ERLEC1: variants seen among roughly 807,000 people sequenced by gnomAD.
ERLEC1 encodes ER lectin.
In ERLEC1, 47 loss-of-function variants were observed where a neutral mutation model predicts 68.0. The ratio of observed to expected loss-of-function variants is 0.69; its 90% CI spans 0.55 to 0.88. The LOEUF (loss-of-function observed/expected upper bound fraction) is 0.88. Among genes scored for constraint, ERLEC1 ranks in the 40% least tolerant of loss-of-function variants. The probability of loss-of-function intolerance (pLI) is 0.00; values close to 1 mark genes in which losing one functional copy is unlikely to be tolerated. For synonymous variants in ERLEC1, 225 were observed against 203.2 expected (o/e 1.11, Z -0.91); for missense variants, 567 against 583.8 (o/e 0.97, Z 0.30).
chr2:53,799,839 T>C (rs1254686703), intron 6 of ERLEC1, among the ~76,000 whole-genome samples: 44 of 152,118 alleles, frequency 2.9e-4, no homozygotes, highest in Admixed American at 2.9e-3. Flanking sequence ...GAGACACACA[T>C]AGCATTGCTA....
rs542334528 is a variant in ERLEC1 at position 53,806,871 on chromosome 2, A to G, written c.880-1428A>G. 3.9e-5 allele frequency among the ~76,000 whole-genome samples: 6 copies of G among 152,176 alleles called. No homozygotes were observed. In the South Asian group the frequency reaches 1.2e-3, roughly 32 times the overall value. Reference sequence around the variant, plus strand: ...GTCTACATTCATTTCTTTGCCAGTCAATACCCATTTAACCACCAGATCCTA... The same window carrying G: ...GTCTACATTCATTTCTTTGCCAGTCGATACCCATTTAACCACCAGATCCTA... On this transcript the variant is annotated intron_variant, in intron 8 of 13. Transcript: ENST00000185150.
chr2:53,794,466 A>G lies in ERLEC1; in HGVS notation c.267+17A>G, dbSNP rs999118595. The G allele has an allele frequency of 9.5e-6, 11 of 1,162,112 alleles. No individual in the cohort carries two copies. In the African/African-American group the frequency reaches 1.4e-4, roughly 15 times the overall value. The allele number at this position is 1,162,112 out of a possible 1,614,324, so 72.0% of individuals were successfully genotyped here. ...GGGGATGAGGTAAGTTTTTATAAAT[A>G]TATTGATAATCCTGTCACCAAAAAT... is the stretch of plus-strand genomic sequence containing the variant. On this transcript the variant is annotated intron_variant, in intron 2 of 13. Coordinates refer to ENST00000185150, the MANE Select transcript of ERLEC1 (RefSeq NM_015701.5).
intron 6 of ERLEC1, among the ~76,000 whole-genome samples, chr2:53,800,283 C>T (rs932657053): frequency 8.6e-5 from 13 of 152,022 alleles, no homozygotes; most frequent in African/African-American, 2.7e-4. Context: ...ATATCAAATA[C>T]GATATATCAG....
At chr2:53,793,670 C>A (rs537244812) in intron 1 of ERLEC1, among the ~76,000 whole-genome samples, 2 of 151,332 alleles carry the variant, frequency 1.3e-5, no homozygotes, top group South Asian at 4.2e-4. Context: ...TGATCTTGAA[C>A]TCCTGGGCTA....
At chr2:53,803,338 ATTCTC>A (rs149257077) in intron 8 of ERLEC1, among the ~76,000 whole-genome samples, 2,710 of 152,310 alleles carry the variant, frequency 0.018, 107 homozygotes, top group East Asian at 0.14. Context: ...TTGGGCTAGA[ATTCTC>A]TTCTGGTCTT....
intron 3 of ERLEC1, among the ~76,000 whole-genome samples, 185 bp downstream of exon 3, chr2:53,796,198 A>G (rs907344480): frequency 3.3e-5 from 5 of 150,308 alleles, no homozygotes; most frequent in African/African-American, 4.9e-5. Flanking sequence ...GGTTTGGTGT[A>G]CAGATTATTT....
In ERLEC1 at chr2:53,817,422, C is replaced by T. The variant is rs149201216; in HGVS notation, c.1381-476C>T. Among the ~76,000 whole-genome samples, 546 of 152,264 alleles carry T rather than the reference C, an allele frequency of 3.6e-3. 6 individuals are homozygous for T. The highest frequency in any genetic ancestry group is 0.013 in the African/African-American group (520 of 41,558). Reference sequence around the variant, plus strand: ...TGCTGGGATTACAGGCATGAGCCATCGTGCCCAGCCTCCACTTGGTTCTTT... The same window carrying T: ...TGCTGGGATTACAGGCATGAGCCATTGTGCCCAGCCTCCACTTGGTTCTTT... On this transcript the variant is annotated intron_variant, in intron 13 of 13. Coordinates refer to ENST00000185150, the MANE Select transcript of ERLEC1 (RefSeq NM_015701.5).
chr2:53,811,801 A>T (rs959775314), intron 10 of ERLEC1, among the ~76,000 whole-genome samples: 4 of 152,288 alleles, frequency 2.6e-5, no homozygotes, highest in Middle Eastern at 3.4e-3. Flanking sequence ...ATTTCTGCCT[A>T]TCCAGGAACT....
At chr2:53,816,273 T>G (rs1349543862) in intron 13 of ERLEC1, among the ~76,000 whole-genome samples, 1 of 150,046 alleles carries the variant, frequency 6.7e-6, no homozygotes, top group Non-Finnish European at 1.5e-5. Context: ...TGGTTTTTTT[T>G]TTTTTTTTTT....
chr2:53,794,459 T>C lies in ERLEC1; in HGVS notation c.267+10T>C, dbSNP rs1394662263. ...GACAAGTGGGGATGAGGTAAGTTTTTATAAATATATTGATAATCCTGTCAC... is the reference window on the plus strand; with the variant it reads ...GACAAGTGGGGATGAGGTAAGTTTTCATAAATATATTGATAATCCTGTCAC... On this transcript the variant is annotated intron_variant, in intron 2 of 13. Coordinates refer to ENST00000185150, the MANE Select transcript of ERLEC1 (RefSeq NM_015701.5). 1.6e-6 allele frequency: 2 copies of C among 1,247,006 alleles called. No individual in the cohort carries two copies. The highest frequency in any genetic ancestry group is 1.2e-6 in the Non-Finnish European group (1 of 865,694). The allele number at this position is 1,247,006 out of a possible 1,614,324, so 77.2% of individuals were successfully genotyped here.
At position 53,794,449 on chromosome 2, in the gene ERLEC1, G is replaced by A; in HGVS notation, c.267G>A (p.Glu89=). Residue 89 remains glutamate (E), a splice_region_variant and synonymous_variant, in exon 2 of 14, where the codon GAG becomes GAA. Transcript: ENST00000185150. ...CILPLVTSGD[E]EEEKDYKGPN... is the part of the protein sequence containing the mutation. ...TTCCCCTTGTGACAAGTGGGGATGA[G>A]GTAAGTTTTTATAAATATATTGATA... 7 of 1,447,176 alleles carry A rather than the reference G, an allele frequency of 4.8e-6. No homozygotes were observed. The highest frequency in any genetic ancestry group is 1.2e-5 in the South Asian group (1 of 81,090). The allele number at this position is 1,447,176 out of a possible 1,614,324, so 89.6% of individuals were successfully genotyped here.
intron 8 of ERLEC1, among the ~76,000 whole-genome samples, chr2:53,804,148 A>T (rs1676154161): frequency 6.6e-6 from 1 of 152,248 alleles, no homozygotes; most frequent in South Asian, 2.1e-4. Context: ...AATGAAAATA[A>T]AAAAATAAAA....
rs139726775 is a variant in ERLEC1, at chr2:53,797,747, G to T, written c.442G>T (p.Glu148Ter). ...TTCAATGTAGAAAATAAATATTCAC[G>T]AGTACTACCTTGGGAATATGTTGGC... ...KETGQKINIH[E>*]YYLGNMLAKN... The change falls in exon 5 of 14, where the codon GAG becomes TAG. Residue 148 changes from glutamate to a stop codon, truncating the protein, a stop_gained. Transcript: ENST00000185150. LOFTEE classifies it high-confidence loss of function. 6.2e-7 allele frequency: 1 copy of T among 1,611,858 alleles called. No individual in the cohort carries two copies. Among genetic ancestry groups the T allele is most frequent in the Non-Finnish European group, 8.5e-7 (1 of 1,178,730 alleles).
chr2:53,787,549 G>T (rs1675120077), intron 1 of ERLEC1, 177 bp downstream of exon 1: 1 of 644,902 alleles, frequency 1.6e-6, no homozygotes, highest in Non-Finnish European at 2.5e-6. Flanking sequence ...ACGTTATGTG[G>T]ATGCGTCCCC....
chr2:53,814,793 T>C, intron 12 of ERLEC1, 67 bp from the exon 13 acceptor site: 1 of 1,243,886 alleles, frequency 8.0e-7, no homozygotes, highest in Non-Finnish European at 1.2e-6. Context: ...TTTTTAAGAG[T>C]ACAGTTATTA....
At chr2:53,791,954 C>T (rs922414569) in intron 1 of ERLEC1, among the ~76,000 whole-genome samples, 1 of 150,106 alleles carries the variant, frequency 6.7e-6, no homozygotes, top group African/African-American at 2.4e-5. Flanking sequence ...CTCTTTCGCC[C>T]AGGCTAGAGT....
rs1408787224 is a variant in ERLEC1, at chr2:53,800,388, ATATTAT to A, written c.526-1004_526-999del. On this transcript the variant is annotated intron_variant, in intron 6 of 13. Transcript: ENST00000185150. The stretch of plus-strand genomic sequence containing the variant: ...ACATCATTATGCAGTGCATGACTGT[ATATTAT>A]TATTCTGCTTTTACAAATGATAAAA... 2.0e-5 allele frequency among the ~76,000 whole-genome samples: 3 copies of A among 152,120 alleles called. No homozygotes were observed. In the East Asian group the frequency reaches 5.8e-4, roughly 29 times the overall value.
chr2:53,801,333 C>T (rs879139781), intron 6 of ERLEC1, 64 bp from the exon 7 acceptor site: 3 of 1,200,566 alleles, frequency 2.5e-6, no homozygotes, highest in Non-Finnish European at 3.6e-6. Flanking sequence ...ATAAGTTCCT[C>T]TCCCACCCCC....
At chr2:53,811,116 T>C (rs145152922) in intron 10 of ERLEC1, among the ~76,000 whole-genome samples, 13 of 152,342 alleles carry the variant, frequency 8.5e-5, no homozygotes, top group African/African-American at 3.1e-4. Flanking sequence ...CTGCCACTTG[T>C]TCTTTTCACT....
Sources: gnomAD v4.1 joint callset for allele counts (sites outside exome capture counted in the v4.1 genomes callset) on GRCh38, gnomAD v4.1.1 for gene constraint, MANE v1.5 for transcripts, NCBI Gene and HGNC (gene_info 2026-07-23, HGNC 2026-07-21) for gene names.